Variants in COBLL1 observed in about 807,000 individuals in gnomAD.
COBLL1 encodes the protein cordon-bleu protein-like 1.
Under a neutral mutation model 94.8 loss-of-function variants are expected in COBLL1, and 50 were observed. The observed-to-expected ratio is 0.53, with a 90% CI of 0.42 to 0.67. COBLL1 has a LOEUF of 0.67. COBLL1 is among the 30% of genes least tolerant of loss of function. COBLL1 has a pLI of 0.00. For synonymous variants in COBLL1, 448 were observed against 473.8 expected, an observed-to-expected ratio of 0.95 and a Z score of 0.71; for missense variants, 1,362 against 1,348.7, an observed-to-expected ratio of 1.01 and a Z score of -0.15.
downstream of COBLL1, among the ~76,000 whole-genome samples, chr2:164,679,657 C>A (rs538559061): frequency 1.3e-4 from 19 of 151,804 alleles, no homozygotes; most frequent in East Asian, 3.7e-3. Context: ...TTCCCTATTT[C>A]TCTCGTCCCT....
rs565382468 is a variant in COBLL1, at chr2:164,713,617, T to C, written c.996+8458A>G. Among the ~76,000 whole-genome samples the C allele has an allele frequency of 4.6e-5, 7 of 152,290 alleles. No individual in the cohort carries two copies. The East Asian group carries it at 1.4e-3, about 29-fold the overall frequency. On this transcript the variant is annotated intron_variant, in intron 7 of 13. Coordinates refer to ENST00000652658, the MANE Select transcript of COBLL1 (RefSeq NM_001365672.2). ...AGTCATCTACTTTAAAACTCATTAT[T>C]AGTCAATGGTAACATGGTTACCATG...
At chr2:164,827,914 A>C (rs1417349682) in intron 2 of COBLL1, among the ~76,000 whole-genome samples, 2 of 152,194 alleles carry the variant, frequency 1.3e-5, no homozygotes, top group African/African-American at 2.4e-5. Flanking sequence ...CAGAATTTTC[A>C]CTTATATAGT....
At chr2:164,699,696 A>G (rs1028572077) in intron 10 of COBLL1, among the ~76,000 whole-genome samples, 197 bp from the exon 11 acceptor site, 7 of 152,104 alleles carry the variant, frequency 4.6e-5, no homozygotes, top group African/African-American at 7.2e-5. Context: ...AAATGCTGCT[A>G]TGAAACATTA....
intron 2 of COBLL1, among the ~76,000 whole-genome samples, chr2:164,769,171 AT>A (rs1419909484): frequency 1.3e-4 from 20 of 152,150 alleles, no homozygotes; most frequent in Admixed American, 1.3e-3. Context: ...TGAAAAAAAA[AT>A]CTCGTTTCTT....
At chr2:164,705,218 T>A in intron 7 of COBLL1, 113 bp from the exon 8 acceptor site, 3 of 750,630 alleles carry the variant, frequency 4.0e-6, no homozygotes, top group Non-Finnish European at 5.7e-6. Flanking sequence ...AACATAACAG[T>A]CATTCCTTAA....
At chr2:164,679,816 T>C (rs1437626003), downstream of COBLL1, among the ~76,000 whole-genome samples, 1 of 151,734 alleles carries the variant, frequency 6.6e-6, no homozygotes. Flanking sequence ...GGGATATCAT[T>C]AAGAGAAATA....
Position 164,700,626 on chromosome 2 carries a change from T to C in COBLL1, c.1356A>G (p.Ile452Met). Residue 452 changes from isoleucine to methionine, a missense_variant, in exon 10 of 14, where the codon ATA (isoleucine) becomes ATG (methionine). Transcript: ENST00000652658. ...QDIPFVSTDI[I>M]NTLKNDPDSA... is the part of the protein sequence containing the mutation. ...AGTCAGGATCATTTTTCAGTGTATT[T>C]ATTATATCAGTAGATACAAAAGGAA... 6.2e-7 allele frequency: 1 copy of C among 1,613,552 alleles called. No homozygotes were observed. Among genetic ancestry groups the C allele is most frequent in the Non-Finnish European group, 8.5e-7 (1 of 1,179,542 alleles).
chr2:164,761,236 C>A (rs759711211), intron 2 of COBLL1: 3 of 152,256 alleles, frequency 2.0e-5, no homozygotes, highest in African/African-American at 7.2e-5. Flanking sequence ...TGGAGAAACC[C>A]TGTCTCTACT....
At chr2:164,686,770 A>G (rs1367875008) in intron 13 of COBLL1, among the ~76,000 whole-genome samples, 1 of 152,174 alleles carries the variant, frequency 6.6e-6, no homozygotes, top group African/African-American at 2.4e-5. Context: ...GTAAATACCT[A>G]TATTTTGAAA....
At chr2:164,799,957 A>C (rs1180629073) in intron 2 of COBLL1, among the ~76,000 whole-genome samples, 1 of 152,220 alleles carries the variant, frequency 6.6e-6, no homozygotes, top group Non-Finnish European at 1.5e-5. Context: ...TGATTAATAC[A>C]TCTAAATACA....
chr2:164,676,688 T>A (rs547043155), downstream of COBLL1, among the ~76,000 whole-genome samples: 1 of 149,386 alleles, frequency 6.7e-6, no homozygotes, highest in African/African-American at 2.5e-5. Flanking sequence ...TTTTTTTTTT[T>A]CCCCCCCTTT....
intron 13 of COBLL1, among the ~76,000 whole-genome samples, chr2:164,689,241 C>A (rs1161358234): frequency 6.6e-6 from 1 of 151,940 alleles, no homozygotes; most frequent in East Asian, 1.9e-4. Context: ...GTGAACCAAC[C>A]ATTATAATGA....
chr2:164,842,000 C>T (rs1382032553), upstream of COBLL1: 1 of 1,540,160 alleles, frequency 6.5e-7, no homozygotes, highest in Admixed American at 2.0e-5. The surrounding 1 kb of genome is among the most constrained non-coding windows in gnomAD (Gnocchi z 5.5). Flanking sequence ...TCGCCGCCGC[C>T]TCTGCAGCAC....
intron 3 of COBLL1, among the ~76,000 whole-genome samples, chr2:164,730,854 G>A (rs938373133): frequency 6.6e-6 from 1 of 152,144 alleles, no homozygotes; most frequent in Non-Finnish European, 1.5e-5. Flanking sequence ...AAAACAGACT[G>A]TAAATATCTG....
chr2:164,680,044 T>C (rs1318306550), downstream of COBLL1: 2 of 152,062 alleles, frequency 1.3e-5, no homozygotes, highest in Non-Finnish European at 2.9e-5. Context: ...ACTTTGCTAA[T>C]AGTGAGATGC....
rs114102559 is a variant in COBLL1 at position 164,731,738 on chromosome 2, T to A, written c.231-1623A>T. Among the ~76,000 whole-genome samples, 861 of 152,328 alleles carry A rather than the reference T, an allele frequency of 5.7e-3. 9 individuals are homozygous for A. Among genetic ancestry groups the A allele is most frequent in the African/African-American group, 0.019 (810 of 41,568 alleles). On this transcript the variant is annotated intron_variant, in intron 3 of 13. Coordinates refer to ENST00000652658, the MANE Select transcript of COBLL1 (RefSeq NM_001365672.2). ...CAGTAAAAAGTTATTCTCCAATTTCTTGACTAGAGATATAAACCTGGTTAC... is the reference window on the plus strand; with the variant it reads ...CAGTAAAAAGTTATTCTCCAATTTCATGACTAGAGATATAAACCTGGTTAC...
chr2:164,834,589 T>C (rs1432248202), intron 2 of COBLL1, among the ~76,000 whole-genome samples: 3 of 152,270 alleles, frequency 2.0e-5, no homozygotes, highest in African/African-American at 7.2e-5. Flanking sequence ...GTTTATTTAC[T>C]GATCTTATAA....
intron 2 of COBLL1, among the ~76,000 whole-genome samples, chr2:164,760,664 G>A (rs1326206709): frequency 6.6e-6 from 1 of 152,032 alleles, no homozygotes; most frequent in Non-Finnish European, 1.5e-5. Context: ...TATTATTATT[G>A]GGGGAAAGCT....
At chr2:164,710,614 G>A (rs1684846218) in intron 7 of COBLL1, among the ~76,000 whole-genome samples, 1 of 149,744 alleles carries the variant, frequency 6.7e-6, no homozygotes, top group Admixed American at 6.7e-5. Context: ...GCCCAGGCTG[G>A]AGTACAGTGG....
Sources: gnomAD v4.1 joint callset for allele counts (sites outside exome capture counted in the v4.1 genomes callset) on GRCh38, gnomAD v4.1.1 for gene constraint, Gnocchi (gnomAD v3.1) non-coding constraint, MANE v1.5 for transcripts, NCBI Gene and HGNC (gene_info 2026-07-23, HGNC 2026-07-21) for gene names.